MANBA: variants seen among roughly 807,000 people sequenced by gnomAD.
The protein encoded by MANBA is beta-mannosidase.
In MANBA, 83 loss-of-function variants were observed where a neutral mutation model predicts 111.1. The observed-to-expected ratio is 0.75, with a 90% CI of 0.63 to 0.90. MANBA has a LOEUF of 0.90. MANBA is among the 40% of genes least tolerant of loss of function. MANBA has a pLI of 0.00. For missense variants in MANBA, 1,036 were observed against 1,069.0 expected (o/e 0.97, Z 0.43); for synonymous variants, 370 against 378.7 (o/e 0.98, Z 0.27).
chr4:102,721,329 C>CATACATAAATAA (rs71596361), intron 4 of MANBA, among the ~76,000 whole-genome samples: 5 of 151,012 alleles, frequency 3.3e-5, no homozygotes, highest in African/African-American at 1.2e-4. Flanking sequence ...ATCTCAAATA[C>CATACATAAATAA]ATAAATAAAT....
intron 1 of MANBA, among the ~76,000 whole-genome samples, chr4:102,757,527 T>C (rs1185591818): frequency 6.6e-6 from 1 of 152,216 alleles, no homozygotes; most frequent in Non-Finnish European, 1.5e-5. Context: ...GGTATTTTCC[T>C]GCACCTCCCC....
At chr4:102,674,164 C>G (rs923744371) in intron 7 of MANBA, 94 bp from the exon 8 acceptor site, 1 of 920,772 alleles carries the variant, frequency 1.1e-6, no homozygotes, top group African/African-American at 1.7e-5. Flanking sequence ...AAACTACATT[C>G]AGTAGTTTAA....
intron 7 of MANBA, among the ~76,000 whole-genome samples, chr4:102,682,439 C>A (rs993137917): frequency 6.6e-6 from 1 of 152,056 alleles, no homozygotes; most frequent in Admixed American, 6.6e-5. Context: ...ACTGTCTGCA[C>A]CTAGGGCTAA....
rs60623755 is a variant in MANBA at position 102,729,145 on chromosome 4, C to T, written c.178-2462G>A. 1.7e-3 allele frequency: 1,234 copies of T among 725,056 alleles called. 10 individuals are homozygous for T. In the African/African-American group the frequency reaches 0.018, roughly 11 times the overall value. The allele number at this position is 725,056 out of a possible 1,614,324, so 44.9% of individuals were successfully genotyped here. A position where few individuals can be genotyped will look rare whatever the true frequency, so the allele number is the denominator to read the frequency against. ...TGGCGTTGGCATCCTTAACAGCCAG[C>T]CCCCTGTGCTGCAGACATCTGTGAT... On this transcript the variant is annotated intron_variant, in intron 1 of 16. Transcript: ENST00000647097.
intron 10 of MANBA, chr4:102,666,653 T>A (rs1731239668): frequency 6.6e-6 from 1 of 151,574 alleles, no homozygotes; most frequent in South Asian, 2.1e-4. Flanking sequence ...CTGGCCGGAG[T>A]CCCGCATTAA....
intron 1 of MANBA, among the ~76,000 whole-genome samples, chr4:102,733,375 G>T (rs1273193307): frequency 6.7e-6 from 1 of 149,174 alleles, no homozygotes; most frequent in Non-Finnish European, 1.5e-5. Context: ...TTTGAAACAG[G>T]TCTTGCTCTG....
At chr4:102,685,287 G>A (rs944188396) in intron 7 of MANBA, among the ~76,000 whole-genome samples, 1 of 151,890 alleles carries the variant, frequency 6.6e-6, no homozygotes, top group African/African-American at 2.4e-5. Flanking sequence ...GTATTTTTCT[G>A]TATGTGTCAT....
Position 102,636,482 on chromosome 4 carries a change from G to A in MANBA, c.2015-475C>T, listed in dbSNP as rs146417629. Reference sequence around the variant, plus strand: ...TCATATATGAACTGTGTTGTTGACTGAAATGTTATACGGTGCATGACTGTA... The same window carrying A: ...TCATATATGAACTGTGTTGTTGACTAAAATGTTATACGGTGCATGACTGTA... On this transcript the variant is annotated intron_variant, in intron 14 of 16. Coordinates refer to ENST00000647097, the MANE Select transcript of MANBA (RefSeq NM_005908.4). 4.6e-4 allele frequency among the ~76,000 whole-genome samples: 70 copies of A among 152,328 alleles called. 1 individual carries two copies. Among genetic ancestry groups the A allele is most frequent in the African/African-American group, 1.4e-3 (57 of 41,568 alleles).
intron 1 of MANBA, chr4:102,727,883 G>A (rs778235464): frequency 4.6e-5 from 25 of 545,220 alleles, no homozygotes; most frequent in Non-Finnish European, 7.8e-5. Context: ...TTGTGAAGGG[G>A]CATTTATGAG....
chr4:102,750,840 G>A (rs1254891885), intron 1 of MANBA, among the ~76,000 whole-genome samples: 2 of 152,096 alleles, frequency 1.3e-5, no homozygotes, highest in Non-Finnish European at 2.9e-5. Context: ...TTGAGTCCAG[G>A]AGGTTAAGCC....
chr4:102,759,561 C>T (rs1405514890), intron 1 of MANBA, among the ~76,000 whole-genome samples: 1 of 102,438 alleles, frequency 9.8e-6, no homozygotes, highest in Non-Finnish European at 1.9e-5. Flanking sequence ...TGATACACAT[C>T]TCAGGAAAAA....
intron 5 of MANBA, among the ~76,000 whole-genome samples, chr4:102,695,932 A>AT (rs1157334796): frequency 1.3e-4 from 20 of 152,218 alleles, no homozygotes; most frequent in African/African-American, 4.6e-4. Flanking sequence ...CTGTAAAAAA[A>AT]GAATACTGAA....
chr4:102,636,494 G>A (rs557541953), intron 14 of MANBA, among the ~76,000 whole-genome samples: 4 of 152,202 alleles, frequency 2.6e-5, no homozygotes, highest in East Asian at 3.9e-4. Flanking sequence ...AATGTTATAC[G>A]GTGCATGACT....
chr4:102,634,778 C>T lies in MANBA; in HGVS notation c.2415+10G>A, dbSNP rs576049544. The T allele has an allele frequency of 6.2e-7, 1 of 1,613,158 alleles. No homozygotes were observed. Among genetic ancestry groups the T allele is most frequent in the African/African-American group, 1.3e-5 (1 of 75,042 alleles). On this transcript the variant is annotated intron_variant, in intron 16 of 16. Coordinates refer to ENST00000647097, the MANE Select transcript of MANBA (RefSeq NM_005908.4). ...ACAGTCCCCTGCCCTCCGCCATGAC[C>T]TGTGCTTACAGTGATCTGCGCCTTG...
chr4:102,727,981 C>T (rs1722875422), intron 1 of MANBA: 1 of 433,532 alleles, frequency 2.3e-6, no homozygotes, highest in Non-Finnish European at 4.4e-6. Context: ...TTTAACTCAA[C>T]TTTGCATTTT....
chr4:102,679,502 CAA>C (rs1418789022), intron 7 of MANBA: 1 of 151,780 alleles, frequency 6.6e-6, no homozygotes, highest in East Asian at 1.9e-4. Flanking sequence ...TTAATAGATT[CAA>C]GTTTTGATTA....
At chr4:102,685,639 C>A (rs965128811) in intron 7 of MANBA, among the ~76,000 whole-genome samples, 1 of 152,086 alleles carries the variant, frequency 6.6e-6, no homozygotes, top group Non-Finnish European at 1.5e-5. Context: ...TCGCTACTGG[C>A]CCCTTTCCAT....
chr4:102,706,189 T>C (rs906425712), intron 5 of MANBA, among the ~76,000 whole-genome samples: 2 of 152,170 alleles, frequency 1.3e-5, no homozygotes, highest in Non-Finnish European at 2.9e-5. Flanking sequence ...CAGCATATAC[T>C]GCACTGAAGC....
chr4:102,755,720 C>T (rs1362254706), intron 1 of MANBA, among the ~76,000 whole-genome samples: 7 of 152,180 alleles, frequency 4.6e-5, no homozygotes, highest in Admixed American at 1.3e-4. Context: ...ACAATCTATC[C>T]ATCTGACAAA....
Sources: allele counts gnomAD v4.1 joint callset (sites outside exome capture counted in the v4.1 genomes callset), GRCh38; gene constraint gnomAD v4.1.1; transcripts MANE v1.5; gene names NCBI Gene and HGNC (gene_info 2026-07-23, HGNC 2026-07-21).